The following DTNA variants were observed in gnomAD, a reference collection of about 807,000 sequenced individuals.
DTNA encodes the protein dystrobrevin alpha, also known as dystrophin-related protein 3.
A neutral mutation model predicts 100.7 loss-of-function variants in DTNA; 43 were observed. That is an observed-to-expected ratio of 0.43 (90% CI 0.33 to 0.55). DTNA has a LOEUF of 0.55. DTNA is among the 20% of genes least tolerant of loss of function. The pLI, the probability that DTNA is intolerant of heterozygous loss-of-function variation, is 0.04. For synonymous variants in DTNA, 349 were observed against 347.9 expected (o/e 1.00, Z -0.04); for missense variants, 798 against 953.9 (o/e 0.84, Z 2.15).
intron 4 of DTNA, 106 bp downstream of exon 4, chr18:34,794,356 TACTCTC>T: frequency 1.6e-6 from 2 of 1,245,216 alleles, no homozygotes; most frequent in Non-Finnish European, 2.3e-6. Context: ...TTTTTTTTTT[TACTCTC>T]TTTTTTCTTA....
chr18:34,542,739 T>C (rs1471436184), intron 1 of DTNA, among the ~76,000 whole-genome samples: 1 of 151,400 alleles, frequency 6.6e-6, no homozygotes, highest in Non-Finnish European at 1.5e-5. Context: ...GGCTTTGGGG[T>C]TTTATATACC....
intron 11 of DTNA, among the ~76,000 whole-genome samples, chr18:34,832,891 G>T (rs1391722325): frequency 2.0e-5 from 3 of 152,062 alleles, no homozygotes; most frequent in Non-Finnish European, 4.4e-5. Context: ...CTAGTGAGAA[G>T]GAAAATTTTA....
At chr18:34,676,227 A>G (rs1568192245) in intron 1 of DTNA, among the ~76,000 whole-genome samples, 1 of 152,150 alleles carries the variant, frequency 6.6e-6, no homozygotes, top group South Asian at 2.1e-4. Flanking sequence ...TAGGTGGCCC[A>G]TTCTGTTTTT....
chr18:34,749,425 C>G (rs1455688651), intron 1 of DTNA, among the ~76,000 whole-genome samples: 1 of 151,932 alleles, frequency 6.6e-6, no homozygotes, highest in Non-Finnish European at 1.5e-5. Flanking sequence ...TTTTAACTTT[C>G]CCCCATTCAA....
At chr18:34,753,938 G>A (rs1040516555) in intron 1 of DTNA, among the ~76,000 whole-genome samples, 5 of 152,116 alleles carry the variant, frequency 3.3e-5, no homozygotes, top group Admixed American at 1.3e-4. Flanking sequence ...CTTTACCTGC[G>A]TATATGAAAT....
Position 34,813,484 on chromosome 18 carries a change from A to G in DTNA, c.603+1371A>G, listed in dbSNP as rs181426751. Among the ~76,000 whole-genome samples the G allele has an allele frequency of 2.4e-3, 366 of 151,400 alleles. 2 individuals are homozygous for G. Among genetic ancestry groups the G allele is most frequent in the African/African-American group, 7.9e-3 (327 of 41,250 alleles). ...GGTATATCCCTGCCCCATAAAATGC[A>G]TACAACAAATGCTCACTACACAGCT... On this transcript the variant is annotated intron_variant, in intron 6 of 22. Transcript: ENST00000444659.
rs1211863915 is a variant in DTNA at position 34,787,162 on chromosome 18, T to A, written c.149-6875T>A. ...AGGTGATTCCATTGTGAAGCCACAG[T>A]TAAGGATCACTATTCCATAATGACT... On this transcript the variant is annotated intron_variant, in intron 3 of 22. Coordinates refer to ENST00000444659, the MANE Select transcript of DTNA (RefSeq NM_001386795.1). Among the ~76,000 whole-genome samples the A allele has an allele frequency of 3.3e-5, 5 of 152,348 alleles. No individual in the cohort carries two copies. The East Asian group carries it at 9.7e-4, about 29-fold the overall frequency.
At chr18:34,838,678 AC>A in intron 12 of DTNA, 66 bp from the exon 13 acceptor site, 2 of 1,381,232 alleles carry the variant, frequency 1.4e-6, no homozygotes, top group Non-Finnish European at 2.1e-6. Context: ...ACTCACTCCT[AC>A]CTCCTCTACT....
intron 10 of DTNA, chr18:34,829,141 G>A (rs2095936766): frequency 3.1e-6 from 5 of 1,613,788 alleles, no homozygotes; most frequent in Non-Finnish European, 4.2e-6. Flanking sequence ...TTCCTCCAGG[G>A]TGCATGGTAC....
chr18:34,768,460 G>T (rs2093604987), intron 3 of DTNA, among the ~76,000 whole-genome samples: 2 of 148,258 alleles, frequency 1.3e-5, no homozygotes, highest in Admixed American at 1.3e-4. Flanking sequence ...CATTAAAGTG[G>T]ACACACTGTG....
At chr18:34,860,835 A>C (rs1027926117) in intron 16 of DTNA, among the ~76,000 whole-genome samples, 1 of 152,188 alleles carries the variant, frequency 6.6e-6, no homozygotes, top group Non-Finnish European at 1.5e-5. Context: ...TACTAACTCT[A>C]CATACACTGT....
intron 16 of DTNA, 104 bp from the exon 17 acceptor site, chr18:34,863,862 C>T (rs1253897180): frequency 1.8e-6 from 2 of 1,104,944 alleles, no homozygotes; most frequent in Admixed American, 2.0e-5. Context: ...GTCAGAGACC[C>T]AGAGATGCCC....
chr18:34,586,386 C>T (rs183691205), intron 1 of DTNA, among the ~76,000 whole-genome samples: 182 of 151,704 alleles, frequency 1.2e-3, no homozygotes, highest in African/African-American at 4.3e-3. Context: ...GTAAAACTGC[C>T]TGTCTTGTCG....
At chr18:34,543,187 C>T (rs2044423020) in intron 1 of DTNA, among the ~76,000 whole-genome samples, 3 of 151,954 alleles carry the variant, frequency 2.0e-5, no homozygotes, top group East Asian at 1.9e-4. Flanking sequence ...TACTTTGCTG[C>T]GGTGTTGTCA....
intron 1 of DTNA, among the ~76,000 whole-genome samples, chr18:34,747,722 T>C (rs928272879): frequency 6.6e-6 from 1 of 152,200 alleles, no homozygotes; most frequent in Non-Finnish European, 1.5e-5. Flanking sequence ...GTATACCACA[T>C]TTTCTTTATC....
At chr18:34,611,629 C>A (rs1446977413) in intron 1 of DTNA, among the ~76,000 whole-genome samples, 1 of 152,140 alleles carries the variant, frequency 6.6e-6, no homozygotes, top group Non-Finnish European at 1.5e-5. Flanking sequence ...AGAGCAGAAT[C>A]AATCTTAGAA....
At chr18:34,747,248 T>A (rs1463217189) in intron 1 of DTNA, among the ~76,000 whole-genome samples, 1 of 152,156 alleles carries the variant, frequency 6.6e-6, no homozygotes, top group Non-Finnish European at 1.5e-5. Context: ...CAACCTAATG[T>A]TGTACAAGTA....
chr18:34,515,833 C>T lies in DTNA; in HGVS notation c.-2+22319C>T, dbSNP rs2041547712. Among the ~76,000 whole-genome samples the T allele has an allele frequency of 2.0e-5, 3 of 152,104 alleles. No homozygotes were observed. The South Asian group carries it at 6.2e-4, about 32-fold the overall frequency. On this transcript the variant is annotated intron_variant, in intron 1 of 19. Coordinates refer to the DTNA transcript ENST00000283365. ...TCATATTCTTCTGTCAAACTCAGCT[C>T]TTATCCTCTACTTTTGTCTTAGGAT...
chr18:34,634,621 C>T (rs1321978154), intron 1 of DTNA, among the ~76,000 whole-genome samples: 2 of 152,056 alleles, frequency 1.3e-5, no homozygotes, highest in Non-Finnish European at 2.9e-5. Context: ...AAGGCAAGAG[C>T]ATTTTCATAG....
Sources: gnomAD v4.1 joint callset for allele counts (sites outside exome capture counted in the v4.1 genomes callset) on GRCh38, gnomAD v4.1.1 for gene constraint, MANE v1.5 for transcripts, NCBI Gene and HGNC (gene_info 2026-07-23, HGNC 2026-07-21) for gene names.